Variants in CMPK2 observed in about 807,000 individuals in gnomAD.
CMPK2 encodes cytidine/uridine monophosphate kinase 2, also known as UMP-CMP kinase 2, mitochondrial.
A neutral mutation model predicts 33.4 loss-of-function variants in CMPK2; 32 were observed. The ratio of observed to expected loss-of-function variants is 0.96; its 90% confidence interval spans 0.72 to 1.29. The LOEUF (loss-of-function observed/expected upper bound fraction) is 1.29. Ranked by LOEUF, CMPK2 falls within the 50% of genes most tolerant of loss-of-function variation. CMPK2 has a pLI of 0.00. For missense variants in CMPK2, 672 were observed against 616.0 expected, an observed-to-expected ratio of 1.09 and a Z score of -0.96; for synonymous variants, 299 against 275.3, an observed-to-expected ratio of 1.09 and a Z score of -0.85.
rs887742669 is a variant in CMPK2, at chr2:6,851,080, C to T, written c.1226+370G>A. On this transcript the variant is annotated intron_variant, in intron 4 of 4. Transcript: ENST00000256722. The stretch of plus-strand genomic sequence containing the variant: ...TAACATCAGTAAAATGCCTGACACA[C>T]GGGAAGCATCTAATAGGTAGATGTT... The T allele has an allele frequency of 1.8e-5, 19 of 1,080,458 alleles. No individual in the cohort carries two copies. The African/African-American group carries it at 2.1e-4, about 12-fold the overall frequency. The allele number at this position is 1,080,458 out of a possible 1,614,324, so 66.9% of individuals were successfully genotyped here.
At chr2:6,857,639 C>CTTTTT (rs59168059) in intron 3 of CMPK2, among the ~76,000 whole-genome samples, 5 of 131,724 alleles carry the variant, frequency 3.8e-5, no homozygotes, top group Non-Finnish European at 4.7e-5. Context: ...CTTTTCTTTT[C>CTTTTT]TTTTTTTTTT....
chr2:6,865,222 G>A lies in CMPK2; in HGVS notation c.475C>T (p.Pro159Ser), dbSNP rs760895486. 19 of 1,535,740 alleles carry A rather than the reference G, an allele frequency of 1.2e-5. No individual in the cohort carries two copies. The East Asian group carries it at 4.1e-4, about 33-fold the overall frequency. Residue 159 changes from proline (P) to serine (S), a missense_variant, in exon 1 of 5, where the codon CCG (proline) becomes TCG (serine). Physicochemically the swap from Pro to Ser is moderately conservative, Grantham distance 74. Transcript: ENST00000256722. ...LLGACQEAPR[P>S]HLGEFEADPR... ...TCGGCCTCGAACTCGCCCAAGTGCG[G>A]GCGTGGTGCCTCCTGACAGGCGCCC...
chr2:6,850,985 C>T (rs888385620), intron 4 of CMPK2: 3 of 1,002,588 alleles, frequency 3.0e-6, no homozygotes, highest in South Asian at 8.5e-5. Context: ...TTAGACAAAT[C>T]ACTTAATCCT....
At chr2:6,859,880 G>A (rs758849111) in intron 3 of CMPK2, among the ~76,000 whole-genome samples, 6 of 152,192 alleles carry the variant, frequency 3.9e-5, no homozygotes, top group Non-Finnish European at 8.8e-5. Context: ...CTGACAGCTT[G>A]CACCATGCAC....
chr2:6,844,560 G>A (rs550572894), downstream of CMPK2, among the ~76,000 whole-genome samples: 6 of 152,296 alleles, frequency 3.9e-5, no homozygotes, highest in South Asian at 1.0e-3. Context: ...ACATCCAAAA[G>A]TGTTTTCTAT....
rs1240907506 is a variant in CMPK2 at position 6,865,786 on chromosome 2, G to A, written c.-90C>T. The A allele has an allele frequency of 2.4e-6, 3 of 1,260,744 alleles. No homozygotes were observed. Among genetic ancestry groups the A allele is most frequent in the African/African-American group, 3.1e-5 (2 of 63,534 alleles). The allele number at this position is 1,260,744 out of a possible 1,614,324, so 78.1% of individuals were successfully genotyped here. On this transcript the variant is annotated 5_prime_UTR_variant, in exon 1 of 5. Coordinates refer to ENST00000256722, the MANE Select transcript of CMPK2 (RefSeq NM_207315.4). ...CGGCGGGAAACGAAACCCGGAGGGA[G>A]CCAGGCGCCAGCGGGAAACGAAAGC...
rs1047368636 is a variant in CMPK2 at position 6,849,563 on chromosome 2, G to A, written c.*287C>T. The A allele has an allele frequency of 2.0e-5, 23 of 1,161,328 alleles. No individual in the cohort carries two copies. Among genetic ancestry groups the A allele is most frequent in the Non-Finnish European group, 2.2e-5 (21 of 940,440 alleles). 71.9% of individuals were successfully genotyped at this position (1,161,328 alleles called of 1,614,324 possible). On this transcript the variant is annotated 3_prime_UTR_variant, in exon 5 of 5. Transcript: ENST00000256722. Reference sequence around the variant, plus strand: ...GTAAGACAGGTCTTCCAGATATTTGGTAGTGATTAAGTGAAACATATGTTC... The same window carrying A: ...GTAAGACAGGTCTTCCAGATATTTGATAGTGATTAAGTGAAACATATGTTC...
intron 3 of CMPK2, among the ~76,000 whole-genome samples, chr2:6,856,175 A>T (rs913763679): frequency 1.3e-5 from 2 of 152,242 alleles, no homozygotes; most frequent in African/African-American, 4.8e-5. Context: ...AACCTATGTA[A>T]CAGAACTGCA....
chr2:6,846,139 ACT>A (rs1558319900), downstream of CMPK2, among the ~76,000 whole-genome samples: 1 of 152,012 alleles, frequency 6.6e-6, no homozygotes, highest in Non-Finnish European at 1.5e-5. Flanking sequence ...TTAGGTAAAA[ACT>A]CTGACTCCAA....
At chr2:6,850,990 A>C in intron 4 of CMPK2, 1 of 1,003,460 alleles carries the variant, frequency 1.0e-6, no homozygotes, top group Non-Finnish European at 1.2e-6. Flanking sequence ...CAAATCACTT[A>C]ATCCTTTGAG....
Position 6,851,692 on chromosome 2 carries a change from G to T in CMPK2, c.993-9C>A. On this transcript the variant is annotated splice_polypyrimidine_tract_variant and intron_variant, in intron 3 of 4. Coordinates refer to ENST00000256722, the MANE Select transcript of CMPK2 (RefSeq NM_207315.4). ...CCGTGCTGTGCCAGTACCTGAGAAGGAATGGGGTAGTGAGTTCTCTGTCTG... is the reference window on the plus strand; with the variant it reads ...CCGTGCTGTGCCAGTACCTGAGAAGTAATGGGGTAGTGAGTTCTCTGTCTG... 1 of 1,612,898 alleles carries T rather than the reference G, an allele frequency of 6.2e-7. No homozygotes were observed. Among genetic ancestry groups the T allele is most frequent in the South Asian group, 1.1e-5 (1 of 91,042 alleles).
chr2:6,862,585 C>A (rs1662914645), intron 2 of CMPK2, among the ~76,000 whole-genome samples: 1 of 152,148 alleles, frequency 6.6e-6, no homozygotes, highest in Admixed American at 6.5e-5. Flanking sequence ...GATGGTGTTA[C>A]AATTCCCTCT....
chr2:6,841,413 T>A (rs1238784006), intron 3 of CMPK2, among the ~76,000 whole-genome samples: 3 of 152,158 alleles, frequency 2.0e-5, no homozygotes, highest in Non-Finnish European at 4.4e-5. Flanking sequence ...TTGAGGCAGA[T>A]CTTATAAGCA....
Position 6,849,374 on chromosome 2 carries a change from T to C in CMPK2, c.*476A>G, listed in dbSNP as rs1662443575. ...CTCTAGAATTTGGGACTGAGGGAGA[T>C]GCAGCGAGCCCATCATGACGAGTGC... On this transcript the variant is annotated 3_prime_UTR_variant, in exon 5 of 5. Coordinates refer to ENST00000256722, the MANE Select transcript of CMPK2 (RefSeq NM_207315.4). The C allele has an allele frequency of 1.0e-6, 1 of 986,734 alleles. No homozygotes were observed. Among genetic ancestry groups the C allele is most frequent in the Non-Finnish European group, 1.2e-6 (1 of 830,918 alleles). The allele number at this position is 986,734 out of a possible 1,614,324, so 61.1% of individuals were successfully genotyped here.
chr2:6,866,100 C>T (rs116006016), upstream of CMPK2: 1,793 of 242,518 alleles, frequency 7.4e-3, 28 homozygotes, highest in African/African-American at 0.04. Flanking sequence ...GGTTTGAGTT[C>T]CTCCTCTGCG....
intron 3 of CMPK2, among the ~76,000 whole-genome samples, chr2:6,852,513 G>A (rs192282420): frequency 1.2e-4 from 18 of 152,166 alleles, no homozygotes; most frequent in East Asian, 1.2e-3. Flanking sequence ...AGACTCCTAG[G>A]AAGCCCCCAA....
At chr2:6,858,607 G>C (rs1662784394) in intron 3 of CMPK2, among the ~76,000 whole-genome samples, 1 of 151,942 alleles carries the variant, frequency 6.6e-6, no homozygotes, top group South Asian at 2.1e-4. Context: ...AAGATCTGAT[G>C]GTTTTAAAAA....
chr2:6,861,308 G>A lies in CMPK2; in HGVS notation c.868C>T (p.Gln290Ter). Residue 290 changes from glutamine (Q) to a stop codon, truncating the protein, a stop_gained, in exon 3 of 5, where the codon CAG becomes TAG. Coordinates refer to ENST00000256722, the MANE Select transcript of CMPK2 (RefSeq NM_207315.4). LOFTEE classifies it high-confidence loss of function. ...LLKSPPSCIG[Q>*]WRKIFDDEPT... ...TCATCATCAAAGATCTTCCTCCACT[G>A]GCCAATGCAAGAGGGTGGTGACTTT... The A allele has an allele frequency of 1.2e-6, 2 of 1,613,960 alleles. No homozygotes were observed. Among genetic ancestry groups the A allele is most frequent in the South Asian group, 1.1e-5 (1 of 91,066 alleles).
At chr2:6,854,123 CA>C (rs537284313) in intron 3 of CMPK2, among the ~76,000 whole-genome samples, 9 of 151,948 alleles carry the variant, frequency 5.9e-5, no homozygotes, top group African/African-American at 1.2e-4. Flanking sequence ...CCCTCAAGCT[CA>C]AAAAAAGCCA....
Sources: gnomAD v4.1 joint callset for allele counts (sites outside exome capture counted in the v4.1 genomes callset) on GRCh38, gnomAD v4.1.1 for gene constraint, MANE v1.5 for transcripts, NCBI Gene and HGNC (gene_info 2026-07-23, HGNC 2026-07-21) for gene names.